STAG1: variants seen among roughly 807,000 people sequenced by gnomAD.
STAG1 encodes the protein STAG1 cohesin complex component, also known as cohesin subunit SA-1.
STAG1 carries 26 observed loss-of-function variants against 170.9 expected under a neutral mutation model. That is an observed-to-expected ratio of 0.15 (90% CI 0.11 to 0.21). STAG1 has a LOEUF of 0.21. Among genes scored for constraint, STAG1 ranks in the 10% least tolerant of loss-of-function variants. The pLI, the probability that STAG1 is intolerant of heterozygous loss-of-function variation, is 1.00. For missense variants in STAG1, 964 were observed against 1,509.5 expected (o/e 0.64, Z 5.99); for synonymous variants, 514 against 497.7 (o/e 1.03, Z -0.44).
At chr3:136,683,053 C>T (rs986062101) in intron 1 of STAG1, among the ~76,000 whole-genome samples, 1 of 152,078 alleles carries the variant, frequency 6.6e-6, no homozygotes, top group African/African-American at 2.4e-5. Flanking sequence ...ATATGAGGTG[C>T]CTAGAGCCAT....
intron 30 of STAG1, 90 bp downstream of exon 30, chr3:136,343,742 A>G (rs553027300): frequency 1.5e-4 from 156 of 1,066,302 alleles, no homozygotes; most frequent in Non-Finnish European, 1.9e-4. Context: ...CTGACCAGCA[A>G]TATGTTCTGA....
intron 1 of STAG1, among the ~76,000 whole-genome samples, chr3:136,729,298 G>A (rs1231442718): frequency 6.6e-6 from 1 of 152,028 alleles, no homozygotes; most frequent in Non-Finnish European, 1.5e-5. Flanking sequence ...GAGCCACCAC[G>A]CTCAGCCTAG....
At chr3:136,710,578 G>C (rs1943356109) in intron 1 of STAG1, among the ~76,000 whole-genome samples, 1 of 152,082 alleles carries the variant, frequency 6.6e-6, no homozygotes, top group East Asian at 1.9e-4. Flanking sequence ...AGATTGCAAT[G>C]TGCATACTGT....
intron 30 of STAG1, among the ~76,000 whole-genome samples, chr3:136,343,041 A>C (rs1265470220): frequency 6.6e-6 from 1 of 152,232 alleles, no homozygotes; most frequent in African/African-American, 2.4e-5. Flanking sequence ...ATGAAAACCC[A>C]GGATTTGATA....
At chr3:136,641,933 C>A (rs1446038456) in intron 1 of STAG1, among the ~76,000 whole-genome samples, 1 of 151,960 alleles carries the variant, frequency 6.6e-6, no homozygotes, top group South Asian at 2.1e-4. Flanking sequence ...GGAATAGAAC[C>A]CAAACTAACT....
intron 13 of STAG1, among the ~76,000 whole-genome samples, chr3:136,455,651 T>C (rs1189693779): frequency 1.3e-5 from 2 of 152,190 alleles, no homozygotes; most frequent in African/African-American, 4.8e-5. Flanking sequence ...CATTGGCCAG[T>C]GGGAATGCCA....
chr3:136,374,328 A>AT (rs397824365), intron 23 of STAG1, among the ~76,000 whole-genome samples: 1,704 of 151,810 alleles, frequency 0.011, 37 homozygotes, highest in African/African-American at 0.039. Flanking sequence ...ATAAGAAAAA[A>AT]ATATTTTGGC....
intron 4 of STAG1, among the ~76,000 whole-genome samples, chr3:136,592,466 G>A (rs1318837523): frequency 1.3e-5 from 2 of 152,128 alleles, no homozygotes; most frequent in Admixed American, 6.5e-5. Context: ...GCAGAACTGC[G>A]AGTCAATGAA....
chr3:136,468,907 G>T (rs2089547213), intron 12 of STAG1, among the ~76,000 whole-genome samples: 1 of 152,098 alleles, frequency 6.6e-6, no homozygotes, highest in Non-Finnish European at 1.5e-5. Context: ...CTCAATACAT[G>T]CAGAAAAGGC....
At chr3:136,351,967 G>C (rs1484120270) in intron 28 of STAG1, among the ~76,000 whole-genome samples, 1 of 151,898 alleles carries the variant, frequency 6.6e-6, no homozygotes, top group Non-Finnish European at 1.5e-5. Flanking sequence ...TAAAAACAAA[G>C]GAAAAAAGAT....
chr3:136,695,828 C>T (rs551256131), intron 1 of STAG1, among the ~76,000 whole-genome samples: 85 of 148,506 alleles, frequency 5.7e-4, no homozygotes, highest in African/African-American at 2.1e-3. Flanking sequence ...AAAAGCAACA[C>T]ACAGAAGCAG....
intron 13 of STAG1, among the ~76,000 whole-genome samples, chr3:136,462,390 C>T (rs2089298959): frequency 6.6e-6 from 1 of 152,008 alleles, no homozygotes; most frequent in Admixed American, 6.6e-5. Context: ...TTTGCAGTGA[C>T]ACAGATGGAA....
At position 136,454,344 on chromosome 3, in the gene STAG1, T is replaced by C. The variant is rs1326074078; in HGVS notation, c.1314-2197A>G. Among the ~76,000 whole-genome samples the C allele has an allele frequency of 4.0e-5, 6 of 151,246 alleles. No homozygotes were observed. In the East Asian group the frequency reaches 1.2e-3, roughly 30 times the overall value. The stretch of plus-strand genomic sequence containing the variant: ...ATCCGCCCACCTCAGCCTCCCAAAG[T>C]GCTGGGATTACAGGCCTGAGCCACC... On this transcript the variant is annotated intron_variant, in intron 13 of 33. Coordinates refer to ENST00000383202, the MANE Select transcript of STAG1 (RefSeq NM_005862.3).
In STAG1 at chr3:136,731,388, T is replaced by C. The variant is rs143560183; in HGVS notation, c.-84+20807A>G. Reference sequence around the variant, plus strand: ...ACTAGAAAAAGCTGGAAAAAGCAAATAGAATTTGTCAAGCAGAATAAAATC... The same window carrying C: ...ACTAGAAAAAGCTGGAAAAAGCAAACAGAATTTGTCAAGCAGAATAAAATC... On this transcript the variant is annotated intron_variant, in intron 1 of 33. Transcript: ENST00000383202. Among the ~76,000 whole-genome samples the C allele has an allele frequency of 2.6e-3, 390 of 152,072 alleles. 1 individual carries two copies. The highest frequency in any genetic ancestry group is 6.6e-3 in the African/African-American group (273 of 41,468).
intron 1 of STAG1, among the ~76,000 whole-genome samples, chr3:136,699,604 G>T (rs1394379490): frequency 6.6e-6 from 1 of 151,382 alleles, no homozygotes; most frequent in East Asian, 1.9e-4. Flanking sequence ...GATTACCAGG[G>T]TGAGACATGT....
chr3:136,676,318 T>C (rs1942127940), intron 1 of STAG1, among the ~76,000 whole-genome samples: 1 of 152,268 alleles, frequency 6.6e-6, no homozygotes, highest in South Asian at 2.1e-4. Context: ...ATTTTACTTT[T>C]CTTTCAATAA....
In STAG1 at chr3:136,465,222, C is replaced by CAT. The variant is rs1553726173; in HGVS notation, c.1206-235_1206-234insAT. 7.3e-5 allele frequency among the ~76,000 whole-genome samples: 10 copies of CAT among 136,212 alleles called. No homozygotes were observed. The East Asian group carries it at 2.0e-3, about 28-fold the overall frequency. 89.4% of individuals were successfully genotyped at this position (136,212 alleles called of 152,430 possible). ...TAAAATGCTCACAATTCTTCTACAGCTTTTTTTTTTTTTTTGAGACAGAGT... is the reference window on the plus strand; with the variant it reads ...TAAAATGCTCACAATTCTTCTACAGCATTTTTTTTTTTTTTTTGAGACAGAGT... On this transcript the variant is annotated intron_variant, in intron 12 of 33. Coordinates refer to ENST00000383202, the MANE Select transcript of STAG1 (RefSeq NM_005862.3).
At chr3:136,498,029 C>T (rs183069219) in intron 9 of STAG1, among the ~76,000 whole-genome samples, 99 of 138,822 alleles carry the variant, frequency 7.1e-4, no homozygotes, top group African/African-American at 2.4e-3. Context: ...TCCGTCTCTA[C>T]TAAAAATACA....
intron 4 of STAG1, among the ~76,000 whole-genome samples, chr3:136,593,883 A>G (rs1021685441): frequency 6.6e-6 from 1 of 152,150 alleles, no homozygotes; most frequent in Non-Finnish European, 1.5e-5. Flanking sequence ...TCATTACAGT[A>G]TTTCTGTCTT....
Sources: allele counts gnomAD v4.1 joint callset (sites outside exome capture counted in the v4.1 genomes callset), GRCh38; gene constraint gnomAD v4.1.1; transcripts MANE v1.5; gene names NCBI Gene and HGNC (gene_info 2026-07-23, HGNC 2026-07-21).